GLG1: variants seen among roughly 807,000 people sequenced by gnomAD.
GLG1 encodes Golgi apparatus protein 1.
Under a neutral mutation model 160.5 loss-of-function variants are expected in GLG1, and 38 were observed. The ratio of observed to expected loss-of-function variants is 0.24; its 90% CI spans 0.18 to 0.31. The LOEUF is 0.31. GLG1 is among the 10% of genes least tolerant of loss of function. GLG1 has a pLI of 1.00. For synonymous variants in GLG1, 644 were observed against 543.4 expected, an observed-to-expected ratio of 1.19 and a Z score of -2.57; for missense variants, 1,373 against 1,505.2, an observed-to-expected ratio of 0.91 and a Z score of 1.45.
chr16:74,468,793 G>C, intron 17 of GLG1, 153 bp downstream of exon 17: 1 of 630,650 alleles, frequency 1.6e-6, no homozygotes, highest in Admixed American at 2.6e-5. Context: ...GACACAGGAA[G>C]CTAATGGTCG....
Position 74,496,506 on chromosome 16 carries a change from C to T in GLG1, c.913G>A (p.Asp305Asn). The T allele has an allele frequency of 6.2e-7, 1 of 1,614,048 alleles. No individual in the cohort carries two copies. The highest frequency in any genetic ancestry group is 1.7e-5 in the Admixed American group (1 of 60,000). ...ILRVAELSSDDFHLDRHLYFA... is the reference protein window; with the variant it reads ...ILRVAELSSDNFHLDRHLYFA... ...TATAAATGCCGGTCTAAGTGAAAGT[C>T]ATCCGATGACAGCTCAGCCACCCGG... The change falls in exon 5 of 26, where the codon GAC (aspartate) becomes AAC (asparagine). Residue 305 changes from aspartate (D) to asparagine (N), a missense_variant. Around this residue, in one of 4 missense-constraint regions of GLG1, gnomAD observed 174 missense variants for 229.9 expected, o/e 0.76. Coordinates refer to ENST00000422840, the MANE Select transcript of GLG1 (RefSeq NM_001145667.2).
chr16:74,574,912 AAGAC>A (rs1370854062), intron 1 of GLG1, among the ~76,000 whole-genome samples: 1 of 127,486 alleles, frequency 7.8e-6, no homozygotes, highest in Non-Finnish European at 1.7e-5. Context: ...AAAAAAAAAA[AAGAC>A]AGAGAGAGAG....
At chr16:74,511,218 A>G (rs1403799554) in intron 2 of GLG1, among the ~76,000 whole-genome samples, 2 of 152,068 alleles carry the variant, frequency 1.3e-5, no homozygotes, top group African/African-American at 4.8e-5. Context: ...ATTAGAAATG[A>G]CATGGAAGCA....
chr16:74,580,176 G>C lies in GLG1; in HGVS notation c.438+26481C>G, dbSNP rs544817995. 4.6e-5 allele frequency among the ~76,000 whole-genome samples: 7 copies of C among 152,094 alleles called. No homozygotes were observed. In the South Asian group the frequency reaches 1.2e-3, roughly 27 times the overall value. On this transcript the variant is annotated intron_variant, in intron 1 of 25. Transcript: ENST00000422840. ...TAAAGGCTATTTATCAGGTATAAAA[G>C]ATGCTAAATCAAAAAACCAAATTTT...
intron 1 of GLG1, among the ~76,000 whole-genome samples, chr16:74,550,008 T>C (rs1333193712): frequency 6.6e-6 from 1 of 152,092 alleles, no homozygotes; most frequent in South Asian, 2.1e-4. Context: ...TCCCAGCTAC[T>C]TGGGAGGTTG....
chr16:74,579,981 T>G (rs1957902365), intron 1 of GLG1, among the ~76,000 whole-genome samples: 1 of 152,024 alleles, frequency 6.6e-6, no homozygotes, highest in Non-Finnish European at 1.5e-5. Context: ...GAGAATCGCT[T>G]GAACCTGGGA....
intron 1 of GLG1, among the ~76,000 whole-genome samples, chr16:74,587,658 G>C (rs1958083044): frequency 6.6e-6 from 1 of 152,186 alleles, no homozygotes; most frequent in Non-Finnish European, 1.5e-5. Context: ...ACGAGGTCAA[G>C]AGATCAAGAC....
At chr16:74,596,212 A>T (rs775390778) in intron 1 of GLG1, among the ~76,000 whole-genome samples, 1 of 149,690 alleles carries the variant, frequency 6.7e-6, no homozygotes, top group Non-Finnish European at 1.5e-5. Flanking sequence ...ACAGAGCGAG[A>T]CTCTGTCTCA....
rs1328067987 is a variant in GLG1, at chr16:74,450,370, A to C, written c.*2797T>G. The C allele has an allele frequency of 6.6e-6, 1 of 152,232 alleles. No individual in the cohort carries two copies. The highest frequency in any genetic ancestry group is 1.9e-4 in the East Asian group (1 of 5,192). The allele number at this position is 152,232 out of a possible 1,614,324, so 9.4% of individuals were successfully genotyped here. On this transcript the variant is annotated 3_prime_UTR_variant, in exon 26 of 26. Coordinates refer to ENST00000422840, the MANE Select transcript of GLG1 (RefSeq NM_001145667.2). ...TTTGTTTTGCCAAATGAGGGACTTA[A>C]TGAGTGCGGCCAGTTCAGACTTTGC... is the stretch of plus-strand genomic sequence containing the variant.
chr16:74,496,713 TACACACACACACAC>T (rs34221253), intron 4 of GLG1, 69 bp from the exon 5 acceptor site: 243 of 617,570 alleles, frequency 3.9e-4, no homozygotes, highest in Non-Finnish European at 5.9e-4. Context: ...AACATTTGGC[TACACACACACACAC>T]ACACACACAC....
intron 2 of GLG1, among the ~76,000 whole-genome samples, chr16:74,514,851 G>A (rs956569560): frequency 8.5e-5 from 13 of 152,058 alleles, no homozygotes; most frequent in Admixed American, 2.6e-4. Flanking sequence ...CTGGCAAACT[G>A]CATAGAGTCA....
rs2014712536 is a variant in GLG1, at chr16:74,459,805, A to G, written c.3037-16T>C. On this transcript the variant is annotated splice_polypyrimidine_tract_variant and intron_variant, in intron 22 of 25. Coordinates refer to ENST00000422840, the MANE Select transcript of GLG1 (RefSeq NM_001145667.2). ...GACTGGAGATCTGTTCAGGAGACAC[A>G]AAAAACAAAGCTACCCCACTGAGCA... 1 of 1,365,218 alleles carries G rather than the reference A, an allele frequency of 7.3e-7. No homozygotes were observed. The highest frequency in any genetic ancestry group is 2.1e-5 in the Admixed American group (1 of 47,740). The allele number at this position is 1,365,218 out of a possible 1,614,324, so 84.6% of individuals were successfully genotyped here.
intron 2 of GLG1, among the ~76,000 whole-genome samples, chr16:74,531,753 C>T (rs1352378648): frequency 6.6e-6 from 1 of 152,334 alleles, no homozygotes; most frequent in African/African-American, 2.4e-5. Context: ...GTTGATTTCA[C>T]ATCAGTCTCC....
intron 1 of GLG1, among the ~76,000 whole-genome samples, chr16:74,589,511 C>A (rs372485449): frequency 6.6e-6 from 1 of 152,146 alleles, no homozygotes; most frequent in African/African-American, 2.4e-5. Flanking sequence ...ATAACACTTA[C>A]ATATAAGCCC....
Position 74,454,717 on chromosome 16 carries a change from A to T in GLG1, c.3373-1383T>A, listed in dbSNP as rs572229561. 1.6e-4 allele frequency among the ~76,000 whole-genome samples: 22 copies of T among 135,060 alleles called. No homozygotes were observed. The East Asian group carries it at 5.3e-3, about 33-fold the overall frequency. The allele number at this position is 135,060 out of a possible 152,430, so 88.6% of individuals were successfully genotyped here. ...AAAAAAAAATTTTTTTTTTTGTTAG[A>T]GATGGGGTCTCCCTATGTTGCCCAA... On this transcript the variant is annotated intron_variant, in intron 25 of 25. Transcript: ENST00000422840.
intron 1 of GLG1, among the ~76,000 whole-genome samples, chr16:74,577,043 T>G (rs2019024239): frequency 6.6e-6 from 1 of 152,032 alleles, no homozygotes; most frequent in Non-Finnish European, 1.5e-5. Context: ...TGCCTCAGCC[T>G]TCCAGGCAAC....
intron 2 of GLG1, among the ~76,000 whole-genome samples, chr16:74,510,401 G>C (rs1341516622): frequency 6.6e-6 from 1 of 152,182 alleles, no homozygotes; most frequent in African/African-American, 2.4e-5. Flanking sequence ...TATTCTTGCA[G>C]ATAATGACTA....
chr16:74,482,114 CAGGTAGCT>C (rs2143319820), intron 10 of GLG1, among the ~76,000 whole-genome samples: 1 of 152,176 alleles, frequency 6.6e-6, no homozygotes, highest in African/African-American at 2.4e-5. Context: ...TTCAGCCTCT[CAGGTAGCT>C]AGGACTACAG....
chr16:74,511,451 A>C (rs2016800220), intron 2 of GLG1, among the ~76,000 whole-genome samples: 1 of 152,166 alleles, frequency 6.6e-6, no homozygotes, highest in Non-Finnish European at 1.5e-5. Flanking sequence ...CAGGAGTTCA[A>C]GACTGGTCTG....
Sources: allele counts gnomAD v4.1 joint callset (sites outside exome capture counted in the v4.1 genomes callset), GRCh38; gene constraint gnomAD v4.1.1; regional missense constraint gnomAD v4.1.1; transcripts MANE v1.5; gene names NCBI Gene and HGNC (gene_info 2026-07-23, HGNC 2026-07-21).